The following ERLIN2 variants were observed in gnomAD, a reference collection of about 807,000 sequenced individuals.
ERLIN2 encodes erlin-2.
Under a neutral mutation model 41.5 loss-of-function variants are expected in ERLIN2, and 22 were observed. That is an observed-to-expected ratio of 0.53 (90% CI 0.38 to 0.76). The LOEUF (loss-of-function observed/expected upper bound fraction) is 0.76. Ranked by LOEUF, ERLIN2 falls within the 30% of genes least tolerant of loss-of-function variation. The probability of loss-of-function intolerance (pLI) is 0.00; values close to 1 mark genes in which losing one functional copy is unlikely to be tolerated. For synonymous variants in ERLIN2, 149 were observed against 150.9 expected (o/e 0.99, Z 0.09); for missense variants, 247 against 414.3 (o/e 0.60, Z 3.51).
intron 6 of ERLIN2, among the ~76,000 whole-genome samples, chr8:37,748,684 A>T (rs550876523): frequency 4.6e-5 from 7 of 152,342 alleles, no homozygotes; most frequent in African/African-American, 1.2e-4. Flanking sequence ...CAAAGGAGAG[A>T]TGCAGTGTAC....
intron 11 of ERLIN2, 135 bp downstream of exon 11, chr8:37,753,664 G>T (rs1026120831): frequency 2.4e-6 from 2 of 837,036 alleles, no homozygotes; most frequent in Admixed American, 2.0e-5. Flanking sequence ...TTGCTGTGTG[G>T]TGCAGGTACT....
intron 2 of ERLIN2, 136 bp from the exon 3 acceptor site, chr8:37,740,229 G>C (rs147818349): frequency 2.8e-6 from 2 of 723,632 alleles, no homozygotes; most frequent in African/African-American, 1.7e-5. Context: ...AAAGGGATCT[G>C]TAGCCATGGC....
intron 4 of ERLIN2, 117 bp from the exon 5 acceptor site, chr8:37,744,237 TC>T: frequency 1.1e-6 from 1 of 903,236 alleles, no homozygotes; most frequent in Non-Finnish European, 1.9e-6. Flanking sequence ...CCTTCCAACT[TC>T]CCGTGAACTC....
At chr8:37,738,895 ATAATAT>A (rs1802754139) in intron 2 of ERLIN2, among the ~76,000 whole-genome samples, 1 of 152,326 alleles carries the variant, frequency 6.6e-6, no homozygotes, top group South Asian at 2.1e-4. Flanking sequence ...TAAAAATAAA[ATAATAT>A]TAACATTTCA....
chr8:37,738,179 C>T, intron 2 of ERLIN2, 150 bp downstream of exon 2: 1 of 827,758 alleles, frequency 1.2e-6, no homozygotes, highest in Non-Finnish European at 2.0e-6. Flanking sequence ...ATGTCAGTAA[C>T]CACGGGAAAG....
chr8:37,750,342 A>G (rs1803189182), intron 8 of ERLIN2, 53 bp from the exon 9 acceptor site: 2 of 1,363,850 alleles, frequency 1.5e-6, no homozygotes, highest in South Asian at 1.2e-5. Context: ...ACCTGGGGAT[A>G]GTGAAGCTCC....
Position 37,749,724 on chromosome 8 carries a change from C to G in ERLIN2, c.499-70C>G, listed in dbSNP as rs1803171419. 3 of 1,557,708 alleles carry G rather than the reference C, an allele frequency of 1.9e-6. No individual in the cohort carries two copies. The Admixed American group carries it at 5.0e-5, about 26-fold the overall frequency. ...CCTTTTTGTGCAGGAAGATCAAGGC[C>G]CAGTGGGAGCTGGGTGTGTCCCTCA... On this transcript the variant is annotated intron_variant, in intron 7 of 11. Coordinates refer to ENST00000519638, the MANE Select transcript of ERLIN2 (RefSeq NM_007175.8).
chr8:37,736,751 T>C, intron 1 of ERLIN2, 73 bp downstream of exon 1: 1 of 985,666 alleles, frequency 1.0e-6, no homozygotes, highest in Non-Finnish European at 1.2e-6. Context: ...ACCCGTCACT[T>C]TCGGGAACCT....
rs1803163653 is a variant in ERLIN2, at chr8:37,749,455, G to A, written c.425-104G>A. 6 of 823,940 alleles carry A rather than the reference G, an allele frequency of 7.3e-6. No individual in the cohort carries two copies. The Admixed American group carries it at 1.1e-4, about 15-fold the overall frequency. 51.0% of individuals were successfully genotyped at this position (823,940 alleles called of 1,614,324 possible). Reference sequence around the variant, plus strand: ...TTGATAAGCACACTCCCTTGGGAAAGTACATTCTTGAGCTGGTGATTGAGC... The same window carrying A: ...TTGATAAGCACACTCCCTTGGGAAAATACATTCTTGAGCTGGTGATTGAGC... On this transcript the variant is annotated intron_variant, in intron 6 of 11. Transcript: ENST00000519638.
chr8:37,745,836 G>T, intron 6 of ERLIN2: 2 of 1,346,482 alleles, frequency 1.5e-6, no homozygotes, highest in Admixed American at 3.4e-5. Context: ...TAAATTTGCC[G>T]TTGATTTTTC....
At chr8:37,736,947 G>A (rs902089589) in intron 1 of ERLIN2, 11 of 985,868 alleles carry the variant, frequency 1.1e-5, no homozygotes, top group Non-Finnish European at 1.3e-5. Context: ...GTGACCTCGG[G>A]GAGGGAAGGG....
rs112564516 is a variant in ERLIN2, at chr8:37,741,872, T to C, written c.236+54T>C. 1 of 1,412,536 alleles carries C rather than the reference T, an allele frequency of 7.1e-7. No homozygotes were observed. Among genetic ancestry groups the C allele is most frequent in the Non-Finnish European group, 1.0e-6 (1 of 996,148 alleles). 87.5% of individuals were successfully genotyped at this position (1,412,536 alleles called of 1,614,324 possible). On this transcript the variant is annotated intron_variant, in intron 4 of 11. Transcript: ENST00000519638. The surrounding 1 kb of genome is among the most constrained non-coding windows in gnomAD (Gnocchi z 4.8). ...CCCAAATAAGTCAGAGAAAAGGCTG[T>C]CTGGCTGGTTGCAGGAAGAGACAGT... is the stretch of plus-strand genomic sequence containing the variant.
rs762386493 is a variant in ERLIN2 at position 37,740,431 on chromosome 8, A to G, written c.174A>G (p.Ser58=). The change falls in exon 3 of 12, where the codon TCA becomes TCG. Residue 58 remains serine, a synonymous_variant. Coordinates refer to ENST00000519638, the MANE Select transcript of ERLIN2 (RefSeq NM_007175.8). ...ATCTCATGCTCCCTTTCATCACATCATATAAGTCTGTGCAGGTATGCTTGG... is the reference window on the plus strand; with the variant it reads ...ATCTCATGCTCCCTTTCATCACATCGTATAAGTCTGTGCAGGTATGCTTGG... The part of the protein sequence containing the change: ...GFHLMLPFIT[S]YKSVQTTLQT... The G allele has an allele frequency of 6.2e-7, 1 of 1,612,832 alleles. No individual in the cohort carries two copies. The highest frequency in any genetic ancestry group is 8.5e-7 in the Non-Finnish European group (1 of 1,179,276).
chr8:37,737,078 C>A, intron 1 of ERLIN2: 2 of 708,526 alleles, frequency 2.8e-6, no homozygotes, highest in Non-Finnish European at 3.5e-6. Context: ...CCACGCCCTG[C>A]GCTCACGGGC....
chr8:37,750,955 A>C (rs1349707536), intron 9 of ERLIN2, among the ~76,000 whole-genome samples: 4 of 152,170 alleles, frequency 2.6e-5, no homozygotes, highest in African/African-American at 7.2e-5. Flanking sequence ...ACTTGACCTC[A>C]TGATCTGCCC....
rs2032069 is a variant in ERLIN2, at chr8:37,741,660, G to A, written c.190-112G>A. 3.6e-6 allele frequency: 3 copies of A among 837,990 alleles called. No individual in the cohort carries two copies. Among genetic ancestry groups the A allele is most frequent in the Non-Finnish European group, 6.2e-6 (3 of 482,208 alleles). 51.9% of individuals were successfully genotyped at this position (837,990 alleles called of 1,614,324 possible). ...AGGTGGGGTAATCATGTTTAATGAA[G>A]GCCATGCTCAACCCAAACAGTTATT... On this transcript the variant is annotated intron_variant, in intron 3 of 11. Transcript: ENST00000519638. This position sits in a 1 kb window ranked among gnomAD's most constrained non-coding sequence, Gnocchi z 4.8.
chr8:37,752,115 C>T (rs185967212), intron 10 of ERLIN2, among the ~76,000 whole-genome samples: 59 of 152,316 alleles, frequency 3.9e-4, no homozygotes, highest in African/African-American at 3.1e-4. Context: ...GTCAGTGCCA[C>T]GGTTTTGGGC....
Position 37,749,614 on chromosome 8 carries a change from C to A in ERLIN2, c.480C>A (p.Ala160=). Residue 160 remains alanine, a synonymous_variant, in exon 7 of 12, where the codon GCC becomes GCA. Transcript: ENST00000519638. ...LALQQDLTSM[A]PGLVIQAVRV... is the part of the protein sequence containing the mutation. ...TGCAACAGGACCTGACCTCCATGGC[C>A]CCTGGGCTGGTCATTCAAGTAAGCA... The A allele has an allele frequency of 6.2e-7, 1 of 1,613,424 alleles. No homozygotes were observed. The highest frequency in any genetic ancestry group is 8.5e-7 in the Non-Finnish European group (1 of 1,179,334).
chr8:37,737,898 T>A lies in ERLIN2; in HGVS notation c.-15-10T>A. 6.2e-7 allele frequency: 1 copy of A among 1,613,796 alleles called. No individual in the cohort carries two copies. On this transcript the variant is annotated splice_polypyrimidine_tract_variant and intron_variant, in intron 1 of 11. Transcript: ENST00000519638. ...TGGACCACACACATTTTCCCGTGTC[T>A]TTTCCCTAGGATAAAGGCTCACTGA...
Sources: gnomAD v4.1 joint callset for allele counts (sites outside exome capture counted in the v4.1 genomes callset) on GRCh38, gnomAD v4.1.1 for gene constraint, Gnocchi (gnomAD v3.1) non-coding constraint, MANE v1.5 for transcripts, NCBI Gene and HGNC (gene_info 2026-07-23, HGNC 2026-07-21) for gene names.